Variants in SLC14A2 observed in about 807,000 individuals in gnomAD.
SLC14A2 encodes the protein solute carrier family 14 member 2, also known as urea transporter 2.
In SLC14A2, 91 loss-of-function variants were observed where a neutral mutation model predicts 104.6. The ratio of observed to expected loss-of-function variants is 0.87; its 90% confidence interval spans 0.73 to 1.04. SLC14A2 has a LOEUF of 1.04. Among genes scored for constraint, SLC14A2 ranks in the 50% least tolerant of loss-of-function variants. The pLI is 0.00. For synonymous variants in SLC14A2, 476 were observed against 466.4 expected (o/e 1.02, Z -0.27); for missense variants, 1,189 against 1,156.0 (o/e 1.03, Z -0.41).
intron 1 of SLC14A2, among the ~76,000 whole-genome samples, chr18:45,477,406 G>C (rs1485671980): frequency 6.6e-6 from 1 of 152,202 alleles, no homozygotes; most frequent in Non-Finnish European, 1.5e-5. Context: ...TCTCCTGTAT[G>C]AGGTGTCTGT....
intron 2 of SLC14A2, among the ~76,000 whole-genome samples, chr18:45,604,054 G>A (rs1036265883): frequency 1.3e-5 from 2 of 152,208 alleles, no homozygotes; most frequent in African/African-American, 4.8e-5. Flanking sequence ...AGACACTTCT[G>A]CAACAGGAAT....
At chr18:45,610,446 G>C (rs1413112703) in intron 2 of SLC14A2, among the ~76,000 whole-genome samples, 4 of 152,138 alleles carry the variant, frequency 2.6e-5, no homozygotes, top group Non-Finnish European at 5.9e-5. Flanking sequence ...CTGGGGAAGG[G>C]ACCCGGTCAT....
rs10647065 is a variant in SLC14A2, at chr18:45,295,302, AT to A, written c.-125+82123del. Among the ~76,000 whole-genome samples, 380 of 146,252 alleles carry A rather than the reference AT, an allele frequency of 2.6e-3. 2 individuals carry two copies. The highest frequency in any genetic ancestry group is 0.019 in the East Asian group (93 of 5,008). The stretch of plus-strand genomic sequence containing the variant: ...TGTAATTAATATACATTTTTAAAGC[AT>A]TTTTTTTTTTTAGGAATAGGGGAAT... On this transcript the variant is annotated intron_variant, in intron 1 of 20. Transcript: ENST00000586448.
intron 2 of SLC14A2, 92 bp downstream of exon 2, chr18:45,624,906 C>G: frequency 1.5e-6 from 2 of 1,316,274 alleles, no homozygotes; most frequent in Admixed American, 2.0e-5. Flanking sequence ...TCCCAGTGAA[C>G]TTAGCACACT....
intron 1 of SLC14A2, among the ~76,000 whole-genome samples, chr18:45,451,223 T>C (rs922962563): frequency 2.0e-5 from 3 of 152,060 alleles, no homozygotes; most frequent in Admixed American, 1.3e-4. Flanking sequence ...TTCAACTGAA[T>C]GCCCAGTTGA....
intron 1 of SLC14A2, among the ~76,000 whole-genome samples, chr18:45,224,260 A>T (rs2084092177): frequency 6.6e-6 from 1 of 152,200 alleles, no homozygotes; most frequent in Admixed American, 6.5e-5. Flanking sequence ...GAGATGCGAA[A>T]TGGTCTCATA....
At chr18:45,415,768 A>G (rs1377314523) in intron 1 of SLC14A2, among the ~76,000 whole-genome samples, 2 of 152,164 alleles carry the variant, frequency 1.3e-5, no homozygotes, top group African/African-American at 2.4e-5. Flanking sequence ...CTGAGAGACC[A>G]TATCACAGCG....
chr18:45,285,746 T>C (rs949997106), intron 1 of SLC14A2, among the ~76,000 whole-genome samples: 1 of 148,294 alleles, frequency 6.7e-6, no homozygotes, highest in African/African-American at 2.4e-5. Context: ...ATTTATCTGC[T>C]GACAAAGGGA....
At chr18:45,216,582 G>A (rs1440435880) in intron 1 of SLC14A2, among the ~76,000 whole-genome samples, 1 of 152,084 alleles carries the variant, frequency 6.6e-6, no homozygotes, top group African/African-American at 2.4e-5. Context: ...CAGAATCTCA[G>A]CACTCCTCTG....
At chr18:45,254,215 G>T (rs78701266) in intron 1 of SLC14A2, among the ~76,000 whole-genome samples, 3,239 of 152,292 alleles carry the variant, frequency 0.021, 56 homozygotes, top group East Asian at 0.032. Context: ...AACCAATAGA[G>T]CTCCAGCTCT....
the SLC14A2 span, among the ~76,000 whole-genome samples, chr18:45,189,299 G>A: frequency 6.6e-6 from 1 of 152,140 alleles, no homozygotes; most frequent in Non-Finnish European, 1.5e-5. Context: ...TTGGGGTCAT[G>A]TTATTTCAGT....
chr18:45,265,917 T>C (rs1481594568), intron 1 of SLC14A2, among the ~76,000 whole-genome samples: 1 of 152,152 alleles, frequency 6.6e-6, no homozygotes, highest in Non-Finnish European at 1.5e-5. Flanking sequence ...TAAACAAAAA[T>C]CCTTGCCATC....
chr18:45,401,311 C>T (rs932207556), intron 1 of SLC14A2, among the ~76,000 whole-genome samples: 2 of 152,108 alleles, frequency 1.3e-5, no homozygotes, highest in African/African-American at 2.4e-5. Context: ...ATTATGCTCC[C>T]CCACCCAAAA....
chr18:45,414,744 TAAA>T (rs531366886), intron 1 of SLC14A2, among the ~76,000 whole-genome samples: 20 of 52,336 alleles, frequency 3.8e-4, no homozygotes, highest in African/African-American at 2.1e-3. Context: ...GCACCGAGCG[TAAA>T]AAAAAAAAAA....
At chr18:45,597,327 C>CAA (rs199751496) in intron 2 of SLC14A2, among the ~76,000 whole-genome samples, 1 of 142,432 alleles carries the variant, frequency 7.0e-6, no homozygotes, top group African/African-American at 2.6e-5. Context: ...AACTCCATCT[C>CAA]AAAAAAAAAA....
the SLC14A2 span, among the ~76,000 whole-genome samples, chr18:45,176,278 T>C: frequency 6.6e-6 from 1 of 152,192 alleles, no homozygotes; most frequent in African/African-American, 2.4e-5. Flanking sequence ...TATTTCCATT[T>C]TATATATGAA....
intron 13 of SLC14A2, among the ~76,000 whole-genome samples, 181 bp downstream of exon 13, chr18:45,667,275 A>T (rs1015564451): frequency 3.3e-5 from 5 of 152,226 alleles, no homozygotes; most frequent in Non-Finnish European, 7.3e-5. Context: ...CAGCCTCTTG[A>T]ACTATAAATA....
intron 1 of SLC14A2, among the ~76,000 whole-genome samples, chr18:45,230,240 CTTG>C: frequency 6.6e-6 from 1 of 152,314 alleles, no homozygotes; most frequent in African/African-American, 2.4e-5. Flanking sequence ...TAACCACAAG[CTTG>C]GTGGCTTAAA....
chr18:45,264,445 C>T (rs748698577), intron 1 of SLC14A2, among the ~76,000 whole-genome samples: 7 of 152,100 alleles, frequency 4.6e-5, no homozygotes, highest in Non-Finnish European at 7.4e-5. Flanking sequence ...AGTATTTTTA[C>T]GTAGTTCGTT....
Sources: allele counts gnomAD v4.1 joint callset (sites outside exome capture counted in the v4.1 genomes callset), GRCh38; gene constraint gnomAD v4.1.1; transcripts MANE v1.5; gene names NCBI Gene and HGNC (gene_info 2026-07-23, HGNC 2026-07-21).